CSMD2: variants seen among roughly 807,000 people sequenced by gnomAD.
CSMD2 encodes CUB and sushi domain-containing protein 2.
Under a neutral mutation model 398.5 loss-of-function variants are expected in CSMD2, and 130 were observed. That is an observed-to-expected ratio of 0.33 (90% CI 0.28 to 0.38). The LOEUF (loss-of-function observed/expected upper bound fraction) is 0.38, where lower values mean the gene tolerates loss of function less well. CSMD2 is among the 10% of genes least tolerant of loss of function. CSMD2 has a pLI of 1.00. For missense variants in CSMD2, 3,829 were observed against 4,764.9 expected (o/e 0.80, Z 5.78); for synonymous variants, 1,828 against 1,908.5 (o/e 0.96, Z 1.10).
At chr1:33,862,341 C>CTGTGTGTGTGTG (rs1491541831) in intron 5 of CSMD2, 9 of 60,724 alleles carry the variant, frequency 1.5e-4, no homozygotes, top group Middle Eastern at 8.8e-3. Context: ...AGATAAGCTA[C>CTGTGTGTGTGTG]TCTGTGTGTG....
rs150285402 is a variant in CSMD2 at position 33,522,749 on chromosome 1, CACT to C, written c.10509+555_10509+557del. On this transcript the variant is annotated intron_variant, in intron 67 of 70. Transcript: ENST00000373381. Reference sequence around the variant, plus strand: ...TGGTAGGGGATGCTATGCTCAACTCCACTATGTGTGAAATAGGAAGGTATGGCC... The same window carrying C: ...TGGTAGGGGATGCTATGCTCAACTCCATGTGTGAAATAGGAAGGTATGGCC... 1.1e-4 allele frequency among the ~76,000 whole-genome samples: 16 copies of C among 152,308 alleles called. No individual in the cohort carries two copies. The East Asian group carries it at 3.1e-3, about 29-fold the overall frequency.
intron 40 of CSMD2, among the ~76,000 whole-genome samples, chr1:33,612,519 T>C (rs929057993): frequency 6.6e-6 from 1 of 152,188 alleles, no homozygotes; most frequent in Non-Finnish European, 1.5e-5. Context: ...GTTTTTTACA[T>C]AATATTGTGT....
At chr1:33,991,345 T>A (rs760762358) in intron 3 of CSMD2, among the ~76,000 whole-genome samples, 4 of 152,214 alleles carry the variant, frequency 2.6e-5, no homozygotes, top group Non-Finnish European at 5.9e-5. Flanking sequence ...GGCAACCTGA[T>A]TCCAGGTGGC....
chr1:33,521,623 ACGCTGCCCAGCAGGTCACC>A, intron 67 of CSMD2, 73 bp from the exon 68 acceptor site: 1 of 967,638 alleles, frequency 1.0e-6, no homozygotes, highest in Non-Finnish European at 1.7e-6. Flanking sequence ...CTCATCATAC[ACGCTGCCCAGCAGGTCACC>A]CACTGACCTG....
chr1:33,651,307 C>T (rs983837879), intron 28 of CSMD2, among the ~76,000 whole-genome samples: 7 of 152,128 alleles, frequency 4.6e-5, no homozygotes, highest in Admixed American at 3.9e-4. Flanking sequence ...TGGAAGAAGC[C>T]GTGAGAGCAG....
intron 14 of CSMD2, among the ~76,000 whole-genome samples, chr1:33,739,797 C>T (rs750202098): frequency 7.2e-5 from 11 of 152,044 alleles, no homozygotes; most frequent in South Asian, 2.1e-4. Context: ...AATTCTGTGA[C>T]GCTAATAGAC....
chr1:33,550,157 C>T lies in CSMD2; in HGVS notation c.8917+20G>A, dbSNP rs369181560. On this transcript the variant is annotated intron_variant, in intron 56 of 70. Transcript: ENST00000373381. ...TCAAGCATTCCACTGGAGCTCTTTC[C>T]TCAATGCCATGCACCATACCTGAGC... The T allele has an allele frequency of 3.2e-5, 52 of 1,605,914 alleles. No homozygotes were observed. Among genetic ancestry groups the T allele is most frequent in the Non-Finnish European group, 3.8e-5 (45 of 1,174,572 alleles).
At chr1:33,974,002 C>A (rs1381337971) in intron 3 of CSMD2, among the ~76,000 whole-genome samples, 3 of 152,170 alleles carry the variant, frequency 2.0e-5, no homozygotes, top group Non-Finnish European at 4.4e-5. Flanking sequence ...TGCTGCAGCC[C>A]CTGCAAGGAG....
chr1:34,062,852 T>C (rs937423223), intron 2 of CSMD2, among the ~76,000 whole-genome samples: 3 of 152,160 alleles, frequency 2.0e-5, no homozygotes, highest in Admixed American at 2.0e-4. Flanking sequence ...AGGAGTGTAT[T>C]AGTCCGTTTT....
Position 33,521,561 on chromosome 1 carries a change from G to A in CSMD2, c.10510-11C>T, listed in dbSNP as rs1654293790. 4 of 1,569,220 alleles carry A rather than the reference G, an allele frequency of 2.5e-6. No homozygotes were observed. Among genetic ancestry groups the A allele is most frequent in the South Asian group, 1.1e-5 (1 of 90,184 alleles). On this transcript the variant is annotated splice_polypyrimidine_tract_variant and intron_variant, in intron 67 of 70. Coordinates refer to ENST00000373381, the MANE Select transcript of CSMD2 (RefSeq NM_001281956.2). Reference sequence around the variant, plus strand: ...GGACTCTGACGAGACCTGTGATGGTGGGGAGCACAGAGAGCAGGTGGGAGG... The same window carrying A: ...GGACTCTGACGAGACCTGTGATGGTAGGGAGCACAGAGAGCAGGTGGGAGG...
chr1:34,006,789 A>AGC (rs1338372438), intron 3 of CSMD2, among the ~76,000 whole-genome samples: 1 of 152,092 alleles, frequency 6.6e-6, no homozygotes, highest in East Asian at 1.9e-4. Context: ...ATAAGCCACC[A>AGC]GCCATGTCCA....
At position 33,635,138 on chromosome 1, in the gene CSMD2, G is replaced by A. The variant is rs1571027478; in HGVS notation, c.5086+76C>T. 7 of 878,698 alleles carry A rather than the reference G, an allele frequency of 8.0e-6. No homozygotes were observed. The highest frequency in any genetic ancestry group is 3.0e-5 in the South Asian group (2 of 67,264). The allele number at this position is 878,698 out of a possible 1,614,324, so 54.4% of individuals were successfully genotyped here. A position where few individuals can be genotyped will look rare whatever the true frequency, so the allele number is the denominator to read the frequency against. On this transcript the variant is annotated intron_variant, in intron 31 of 70. Transcript: ENST00000373381. The surrounding 1 kb of genome is among the most constrained non-coding windows in gnomAD (Gnocchi z 5.0). The stretch of plus-strand genomic sequence containing the variant: ...ATGGGGCTGTATATAATTGGGAGGC[G>A]TCTGAGGAATTGCTCATTTTGGAAT...
At position 34,059,925 on chromosome 1, in the gene CSMD2, C is replaced by G. The variant is rs556432741; in HGVS notation, c.405-27219G>C. Among the ~76,000 whole-genome samples, 25 of 152,318 alleles carry G rather than the reference C, an allele frequency of 1.6e-4. No individual in the cohort carries two copies. The South Asian group carries it at 3.7e-3, about 23-fold the overall frequency. The stretch of plus-strand genomic sequence containing the variant: ...ATCTCATCTGTGTTCATTCAAATGT[C>G]CCTTTCACCCCCACCCTGCTGGACC... On this transcript the variant is annotated intron_variant, in intron 2 of 70. Coordinates refer to ENST00000373381, the MANE Select transcript of CSMD2 (RefSeq NM_001281956.2).
intron 21 of CSMD2, among the ~76,000 whole-genome samples, chr1:33,710,334 G>A (rs1010210517): frequency 6.6e-6 from 1 of 152,130 alleles, no homozygotes; most frequent in South Asian, 2.1e-4. Context: ...GAGGGCTAGG[G>A]TCATGCTGGA....
chr1:33,796,389 T>C (rs1654951010), intron 10 of CSMD2, among the ~76,000 whole-genome samples: 1 of 152,244 alleles, frequency 6.6e-6, no homozygotes, highest in South Asian at 2.1e-4. Context: ...TATGGACATA[T>C]ATCAGTTCCC....
intron 14 of CSMD2, among the ~76,000 whole-genome samples, chr1:33,742,578 C>CCTG (rs1553190841): frequency 3.5e-5 from 2 of 57,576 alleles, no homozygotes; most frequent in African/African-American, 1.2e-4. Flanking sequence ...CAAGCTTCTG[C>CCTG]CCCCCCCCCC....
In CSMD2 at chr1:33,846,811, A is replaced by G. The variant is rs569871628; in HGVS notation, c.1033+73T>C. 1.3e-3 allele frequency: 1,180 copies of G among 884,430 alleles called. 14 individuals are homozygous for G. The African/African-American group carries it at 0.017, about 13-fold the overall frequency. The allele number at this position is 884,430 out of a possible 1,614,324, so 54.8% of individuals were successfully genotyped here. Reference sequence around the variant, plus strand: ...TGAAGCCACACCGGACCCAGTAGGGAGAGGTGATGAGCCCTCCAGGTGTCA... The same window carrying G: ...TGAAGCCACACCGGACCCAGTAGGGGGAGGTGATGAGCCCTCCAGGTGTCA... On this transcript the variant is annotated intron_variant, in intron 6 of 70. Transcript: ENST00000373381.
intron 15 of CSMD2, among the ~76,000 whole-genome samples, chr1:33,736,210 G>A (rs562485876): frequency 6.6e-6 from 1 of 152,314 alleles, no homozygotes; most frequent in South Asian, 2.1e-4. Flanking sequence ...ACTTTAAAAT[G>A]AAGACCTTGC....
At chr1:34,016,540 C>T (rs755201787) in intron 3 of CSMD2, among the ~76,000 whole-genome samples, 32 of 152,050 alleles carry the variant, frequency 2.1e-4, no homozygotes, top group Admixed American at 3.9e-4. Flanking sequence ...GACAGTGTGG[C>T]GATTCCTCAA....
Sources: gnomAD v4.1 joint callset for allele counts (sites outside exome capture counted in the v4.1 genomes callset) on GRCh38, gnomAD v4.1.1 for gene constraint, Gnocchi (gnomAD v3.1) non-coding constraint, MANE v1.5 for transcripts, NCBI Gene and HGNC (gene_info 2026-07-23, HGNC 2026-07-21) for gene names.